The following KANSL1L variants were observed in gnomAD, a reference collection of about 807,000 sequenced individuals.
The protein encoded by KANSL1L is KAT8 regulatory NSL complex subunit 1 like.
KANSL1L carries 25 observed loss-of-function variants against 108.6 expected under a neutral mutation model. The ratio of observed to expected loss-of-function variants is 0.23; its 90% CI spans 0.17 to 0.32. KANSL1L has a LOEUF of 0.32. Ranked by LOEUF, KANSL1L falls within the 10% of genes least tolerant of loss-of-function variation. KANSL1L has a pLI of 1.00. For synonymous variants in KANSL1L, 405 were observed against 395.1 expected, an observed-to-expected ratio of 1.03 and a Z score of -0.30; for missense variants, 1,137 against 1,125.7, an observed-to-expected ratio of 1.01 and a Z score of -0.14.
intron 1 of KANSL1L, among the ~76,000 whole-genome samples, chr2:210,164,216 A>G (rs746696803): frequency 1.3e-5 from 2 of 152,196 alleles, no homozygotes; most frequent in Non-Finnish European, 2.9e-5. Flanking sequence ...ATGTGTGCCA[A>G]GTCTTGTAAC....
chr2:210,024,231 T>C (rs1355509461), intron 13 of KANSL1L, 30 bp from the exon 14 acceptor site: 1 of 1,501,668 alleles, frequency 6.7e-7, no homozygotes, highest in African/African-American at 1.4e-5. Context: ...AACACAATTA[T>C]TTTTTATTTT....
At chr2:210,073,718 G>C (rs961384271) in intron 6 of KANSL1L, among the ~76,000 whole-genome samples, 1 of 151,806 alleles carries the variant, frequency 6.6e-6, no homozygotes, top group Non-Finnish European at 1.5e-5. Context: ...AGTTCTATGG[G>C]ATATGGAATA....
intron 1 of KANSL1L, among the ~76,000 whole-genome samples, chr2:210,160,379 T>G (rs1047240631): frequency 6.6e-6 from 1 of 152,086 alleles, no homozygotes; most frequent in Non-Finnish European, 1.5e-5. Context: ...AAGCACAGAT[T>G]AGAAAGTAAG....
At chr2:210,062,853 C>T (rs539035393) in intron 6 of KANSL1L, among the ~76,000 whole-genome samples, 18 of 152,082 alleles carry the variant, frequency 1.2e-4, no homozygotes, top group South Asian at 2.1e-4. Flanking sequence ...TGCAGCCTGA[C>T]GATACAATAG....
intron 3 of KANSL1L, among the ~76,000 whole-genome samples, chr2:210,124,908 G>C (rs1301286589): frequency 6.6e-6 from 1 of 152,054 alleles, no homozygotes; most frequent in Non-Finnish European, 1.5e-5. Context: ...TAGATTACAT[G>C]AACAAATTCC....
chr2:210,108,925 C>G (rs1224945618), intron 3 of KANSL1L, among the ~76,000 whole-genome samples: 1 of 152,168 alleles, frequency 6.6e-6, no homozygotes, highest in Non-Finnish European at 1.5e-5. Context: ...TGTTCCTTTT[C>G]TTGTATAACA....
intron 2 of KANSL1L, among the ~76,000 whole-genome samples, chr2:210,136,390 C>A (rs1412652855): frequency 6.6e-6 from 1 of 152,070 alleles, no homozygotes; most frequent in Non-Finnish European, 1.5e-5. Context: ...AAAGTTATAG[C>A]CTGTAAAATA....
chr2:210,164,324 T>A (rs2095375960), intron 1 of KANSL1L, among the ~76,000 whole-genome samples: 1 of 152,186 alleles, frequency 6.6e-6, no homozygotes, highest in Non-Finnish European at 1.5e-5. Flanking sequence ...CTAGGCTTTA[T>A]GGAAAGTTTA....
At chr2:210,172,453 T>C (rs1298949008), upstream of KANSL1L, among the ~76,000 whole-genome samples, 2 of 152,186 alleles carry the variant, frequency 1.3e-5, no homozygotes, top group African/African-American at 4.8e-5. Flanking sequence ...ATCCGTAACA[T>C]AGATAACTGG....
chr2:210,033,381 G>A (rs953036396), intron 8 of KANSL1L, among the ~76,000 whole-genome samples: 3 of 152,216 alleles, frequency 2.0e-5, no homozygotes, highest in Admixed American at 6.5e-5. Flanking sequence ...GTTAAAACGT[G>A]TGTAGGTGTT....
In KANSL1L at chr2:210,075,546, C is replaced by A; in HGVS notation, c.1755+6G>T. The A allele has an allele frequency of 6.3e-7, 1 of 1,599,056 alleles. No individual in the cohort carries two copies. Among genetic ancestry groups the A allele is most frequent in the Non-Finnish European group, 8.6e-7 (1 of 1,166,834 alleles). On this transcript the variant is annotated splice_donor_region_variant and intron_variant, in intron 6 of 14. Coordinates refer to ENST00000281772, the MANE Select transcript of KANSL1L (RefSeq NM_152519.4). ...GATCATGTTTTCTTCCCAAAGGCAG[C>A]CTTACCTGTGGAGTCCAATAAAAAG...
chr2:210,160,971 C>T lies in KANSL1L; in HGVS notation c.-29-6360G>A, dbSNP rs182485554. On this transcript the variant is annotated intron_variant, in intron 1 of 14. Coordinates refer to ENST00000281772, the MANE Select transcript of KANSL1L (RefSeq NM_152519.4). The stretch of plus-strand genomic sequence containing the variant: ...AAAACAGAGCTCAGGAACAGACCCA[C>T]GCACATACGGCCAATTTTTTTTTTT... Among the ~76,000 whole-genome samples the T allele has an allele frequency of 1.9e-4, 28 of 150,950 alleles. No individual in the cohort carries two copies. In the South Asian group the frequency reaches 5.2e-3, roughly 28 times the overall value.
At chr2:210,121,190 A>G (rs2095016040) in intron 3 of KANSL1L, among the ~76,000 whole-genome samples, 1 of 152,278 alleles carries the variant, frequency 6.6e-6, no homozygotes, top group Non-Finnish European at 1.5e-5. Context: ...AAAGATACAC[A>G]CATGTGTACG....
At chr2:210,156,359 T>C (rs1426231625) in intron 1 of KANSL1L, among the ~76,000 whole-genome samples, 1 of 152,074 alleles carries the variant, frequency 6.6e-6, no homozygotes, top group African/African-American at 2.4e-5. Flanking sequence ...GAAAATGTGT[T>C]TGTCAAACAC....
At chr2:210,139,838 C>A (rs1021242019) in intron 2 of KANSL1L, among the ~76,000 whole-genome samples, 2 of 150,910 alleles carry the variant, frequency 1.3e-5, no homozygotes, top group Admixed American at 6.6e-5. Context: ...ACCTCCTGGG[C>A]TCGAGTGATC....
chr2:210,047,442 A>G (rs1245247386), intron 6 of KANSL1L, among the ~76,000 whole-genome samples: 1 of 152,208 alleles, frequency 6.6e-6, no homozygotes, highest in Non-Finnish European at 1.5e-5. Context: ...ACACTAGAAC[A>G]TGAATACAAT....
chr2:210,114,069 A>C (rs183946019), intron 3 of KANSL1L, among the ~76,000 whole-genome samples: 14 of 152,322 alleles, frequency 9.2e-5, no homozygotes, highest in Admixed American at 8.5e-4. Flanking sequence ...CATGATTACA[A>C]ATATCAAAAG....
chr2:210,063,568 C>T (rs1402856430), intron 6 of KANSL1L, among the ~76,000 whole-genome samples: 1 of 152,212 alleles, frequency 6.6e-6, no homozygotes, highest in Non-Finnish European at 1.5e-5. Context: ...GGGAGCCCAC[C>T]TCTTGCATCA....
intron 6 of KANSL1L, among the ~76,000 whole-genome samples, chr2:210,058,593 G>A (rs2094383192): frequency 2.0e-5 from 3 of 152,072 alleles, no homozygotes; most frequent in Non-Finnish European, 1.5e-5. Flanking sequence ...CAGCACTTTA[G>A]GAGGCTGAGG....
Sources: gnomAD v4.1 joint callset for allele counts (sites outside exome capture counted in the v4.1 genomes callset) on GRCh38, gnomAD v4.1.1 for gene constraint, MANE v1.5 for transcripts, NCBI Gene and HGNC (gene_info 2026-07-23, HGNC 2026-07-21) for gene names.